The following FHIT variants were observed in gnomAD, a reference collection of about 807,000 sequenced individuals.
FHIT encodes the protein bis(5'-adenosyl)-triphosphatase.
A neutral mutation model predicts 17.9 loss-of-function variants in FHIT; 19 were observed. The ratio of observed to expected loss-of-function variants is 1.06; its 90% CI spans 0.74 to 1.56. FHIT has a LOEUF of 1.56. FHIT is among the 40% of genes most tolerant of loss of function. The pLI, the probability that FHIT is intolerant of heterozygous loss-of-function variation, is 0.00. For synonymous variants in FHIT, 81 were observed against 69.7 expected, an observed-to-expected ratio of 1.16 and a Z score of -0.81; for missense variants, 248 against 189.2, an observed-to-expected ratio of 1.31 and a Z score of -1.82.
intron 4 of FHIT, among the ~76,000 whole-genome samples, chr3:60,548,600 A>AT (rs1301569901): frequency 9.9e-5 from 15 of 152,186 alleles, no homozygotes; most frequent in African/African-American, 3.6e-4. Flanking sequence ...AAAAGAGCGC[A>AT]TATTTCCCTT....
chr3:60,724,072 C>T (rs1014359803), intron 4 of FHIT, among the ~76,000 whole-genome samples: 2 of 152,164 alleles, frequency 1.3e-5, no homozygotes, highest in Non-Finnish European at 2.9e-5. Context: ...GCAACCACGA[C>T]CACAATCAAT....
At chr3:60,952,522 C>A (rs1553777521) in intron 3 of FHIT, among the ~76,000 whole-genome samples, 1 of 152,104 alleles carries the variant, frequency 6.6e-6, no homozygotes, top group East Asian at 1.9e-4. Context: ...CTCTGAATGG[C>A]CAAAACATAG....
intron 4 of FHIT, among the ~76,000 whole-genome samples, chr3:60,608,323 C>T (rs564911072): frequency 6.6e-6 from 1 of 152,242 alleles, no homozygotes; most frequent in East Asian, 1.9e-4. Flanking sequence ...CACTCTCATT[C>T]TCTAGCTGTT....
At chr3:60,483,585 T>C (rs1360867818) in intron 5 of FHIT, among the ~76,000 whole-genome samples, 1 of 151,964 alleles carries the variant, frequency 6.6e-6, no homozygotes, top group Non-Finnish European at 1.5e-5. Flanking sequence ...AACCACATGA[T>C]TATCTCAATA....
At chr3:59,892,056 A>T (rs1273207094) in intron 8 of FHIT, among the ~76,000 whole-genome samples, 2 of 152,200 alleles carry the variant, frequency 1.3e-5, no homozygotes, top group East Asian at 3.8e-4. Flanking sequence ...TCCATCTATA[A>T]CTCAATTTAG....
At chr3:60,949,431 C>T (rs1381079722) in intron 3 of FHIT, among the ~76,000 whole-genome samples, 2 of 152,140 alleles carry the variant, frequency 1.3e-5, no homozygotes, top group Non-Finnish European at 2.9e-5. Context: ...AACACAACGC[C>T]AAGGGAAAGT....
At chr3:59,851,444 T>C (rs999292208) in intron 8 of FHIT, among the ~76,000 whole-genome samples, 2 of 152,186 alleles carry the variant, frequency 1.3e-5, no homozygotes, top group Non-Finnish European at 2.9e-5. Context: ...TATCTCAATT[T>C]AACAGAGAAG....
At chr3:60,502,791 T>C (rs180737937) in intron 5 of FHIT, among the ~76,000 whole-genome samples, 2 of 152,270 alleles carry the variant, frequency 1.3e-5, no homozygotes, top group Non-Finnish European at 2.9e-5. Context: ...ATTGGTGAAT[T>C]GCACGGTGTG....
At chr3:60,251,476 C>T (rs1257326502) in intron 5 of FHIT, among the ~76,000 whole-genome samples, 1 of 152,174 alleles carries the variant, frequency 6.6e-6, no homozygotes, top group East Asian at 1.9e-4. Context: ...GTTGTCTGGT[C>T]TGTGATCATC....
At chr3:60,057,214 T>G (rs1702117069) in intron 5 of FHIT, among the ~76,000 whole-genome samples, 1 of 152,020 alleles carries the variant, frequency 6.6e-6, no homozygotes, top group South Asian at 2.1e-4. Context: ...AAACTTTGAG[T>G]GGTATTATTA....
intron 5 of FHIT, among the ~76,000 whole-genome samples, chr3:60,276,123 G>A (rs1443511995): frequency 6.6e-6 from 1 of 151,968 alleles, no homozygotes; most frequent in Non-Finnish European, 1.5e-5. Flanking sequence ...GAGTAGCCGG[G>A]ACTATAGATA....
intron 5 of FHIT, among the ~76,000 whole-genome samples, chr3:60,400,286 G>A (rs544417262): frequency 6.6e-6 from 1 of 152,074 alleles, no homozygotes; most frequent in East Asian, 1.9e-4. Flanking sequence ...AACAGAGGAG[G>A]TGAAAGAAGC....
chr3:60,657,932 T>C (rs1171651134), intron 4 of FHIT, among the ~76,000 whole-genome samples: 6 of 152,188 alleles, frequency 3.9e-5, no homozygotes, highest in African/African-American at 1.2e-4. Context: ...AATTTTTTTG[T>C]GGTAAAACAT....
At chr3:60,121,097 T>C (rs920686907) in intron 5 of FHIT, among the ~76,000 whole-genome samples, 32 of 152,180 alleles carry the variant, frequency 2.1e-4, no homozygotes, top group African/African-American at 7.0e-4. Context: ...TTTTAAATCA[T>C]TGATCATGTC....
At chr3:60,309,204 A>G (rs917727884) in intron 5 of FHIT, among the ~76,000 whole-genome samples, 1 of 152,060 alleles carries the variant, frequency 6.6e-6, no homozygotes, top group Admixed American at 6.6e-5. Context: ...GGAACCATTT[A>G]TCTTGGGGGT....
At chr3:60,534,271 C>CA (rs34837102) in intron 5 of FHIT, among the ~76,000 whole-genome samples, 117 of 131,034 alleles carry the variant, frequency 8.9e-4, no homozygotes, top group Non-Finnish European at 1.4e-3. Flanking sequence ...ACTAAAAATA[C>CA]AAAAAAAAAA....
chr3:60,650,665 C>G (rs1553688061), intron 4 of FHIT, among the ~76,000 whole-genome samples: 1 of 152,150 alleles, frequency 6.6e-6, no homozygotes, highest in African/African-American at 2.4e-5. Context: ...ACTACATATA[C>G]TACTTTATGC....
At chr3:60,706,999 C>T (rs369985016) in intron 4 of FHIT, among the ~76,000 whole-genome samples, 2 of 152,232 alleles carry the variant, frequency 1.3e-5, no homozygotes, top group Admixed American at 6.5e-5. Context: ...CGGAAGAAAA[C>T]TCTTTGAATA....
intron 3 of FHIT, among the ~76,000 whole-genome samples, chr3:60,885,422 G>A (rs559381751): frequency 6.6e-6 from 1 of 152,196 alleles, no homozygotes; most frequent in East Asian, 1.9e-4. Flanking sequence ...AAACCCTTCT[G>A]CATACAAAAA....
Sources: gnomAD v4.1 joint callset for allele counts (sites outside exome capture counted in the v4.1 genomes callset) on GRCh38, gnomAD v4.1.1 for gene constraint, MANE v1.5 for transcripts, NCBI Gene and HGNC (gene_info 2026-07-23, HGNC 2026-07-21) for gene names.